The following DLG2 variants were observed in gnomAD, a reference collection of about 807,000 sequenced individuals.
DLG2 encodes the protein discs large MAGUK scaffold protein 2.
A neutral mutation model predicts 132.5 loss-of-function variants in DLG2; 45 were observed. The ratio of observed to expected loss-of-function variants is 0.34; its 90% CI spans 0.27 to 0.44. The LOEUF is 0.44. DLG2 is among the 20% of genes least tolerant of loss of function. The pLI is 1.00. For missense variants in DLG2, 1,045 were observed against 1,196.9 expected, an observed-to-expected ratio of 0.87 and a Z score of 1.87; for synonymous variants, 424 against 419.6, an observed-to-expected ratio of 1.01 and a Z score of -0.13.
chr11:85,315,739 G>A (rs1337245831), intron 3 of DLG2, among the ~76,000 whole-genome samples: 1 of 151,820 alleles, frequency 6.6e-6, no homozygotes, highest in South Asian at 2.1e-4. Flanking sequence ...GTCCTATTGG[G>A]GTGCTAATTC....
At chr11:84,155,573 G>A (rs1358049202) in intron 9 of DLG2, among the ~76,000 whole-genome samples, 1 of 151,654 alleles carries the variant, frequency 6.6e-6, no homozygotes, top group Non-Finnish European at 1.5e-5. Flanking sequence ...CCCAATGCCA[G>A]GTGCAGATTA....
intron 11 of DLG2, among the ~76,000 whole-genome samples, chr11:84,058,101 T>C (rs2096532889): frequency 6.6e-6 from 1 of 151,928 alleles, no homozygotes; most frequent in African/African-American, 2.4e-5. Context: ...AGTCCTGAGA[T>C]CTTAAATACC....
chr11:84,166,927 C>A (rs900072350), intron 8 of DLG2: 1 of 532,882 alleles, frequency 1.9e-6, no homozygotes, highest in African/African-American at 1.9e-5. Flanking sequence ...TTTTCTTGTA[C>A]AGTAACACTT....
intron 18 of DLG2, chr11:83,682,272 A>G (rs2078961873): frequency 2.0e-6 from 2 of 985,264 alleles, no homozygotes; most frequent in Non-Finnish European, 2.4e-6. Flanking sequence ...ACTTGCCTTT[A>G]TAACTAAGAC....
chr11:84,720,175 A>C, intron 6 of DLG2: 1 of 796,976 alleles, frequency 1.3e-6, no homozygotes, highest in Non-Finnish European at 1.5e-6. Flanking sequence ...TCCCAGAAAG[A>C]GCAGAGCAGT....
In DLG2 at chr11:84,669,685, G is replaced by C. The variant is rs576360130; in HGVS notation, c.358-134954C>G. On this transcript the variant is annotated intron_variant, in intron 6 of 27. Transcript: ENST00000376104. ...ACCACATTTCACAGCCTATCCTGTA[G>C]TCATTTAGGGTCACCTGACAATATT... is the stretch of plus-strand genomic sequence containing the variant. Among the ~76,000 whole-genome samples the C allele has an allele frequency of 2.6e-5, 4 of 152,244 alleles. No homozygotes were observed. The East Asian group carries it at 7.7e-4, about 29-fold the overall frequency.
rs575453016 is a variant in DLG2, at chr11:85,500,047, T to C, written c.40+98610A>G. Among the ~76,000 whole-genome samples the C allele has an allele frequency of 1.7e-4, 26 of 152,108 alleles. 1 individual carries two copies. Among genetic ancestry groups the C allele is most frequent in the Non-Finnish European group, 1.2e-4 (8 of 68,014 alleles). On this transcript the variant is annotated intron_variant, in intron 3 of 27. Transcript: ENST00000376104. ...TTTGAAAACTGGCACAAGACAAGGA[T>C]GCCCTCTCTCACCACTCCTATTCAA... is the stretch of plus-strand genomic sequence containing the variant.
intron 7 of DLG2, among the ~76,000 whole-genome samples, chr11:84,365,518 C>T (rs951968660): frequency 6.6e-6 from 1 of 151,916 alleles, no homozygotes; most frequent in African/African-American, 2.4e-5. Flanking sequence ...TCCTTCAGTT[C>T]TGCTCTGATT....
At chr11:84,442,546 G>C (rs2099020480) in intron 7 of DLG2, among the ~76,000 whole-genome samples, 1 of 152,006 alleles carries the variant, frequency 6.6e-6, no homozygotes, top group African/African-American at 2.4e-5. Context: ...GGGAGGCTAG[G>C]GGAGGGATAG....
intron 7 of DLG2, among the ~76,000 whole-genome samples, chr11:84,373,258 A>C (rs1446417329): frequency 1.0e-5 from 1 of 99,136 alleles, no homozygotes; most frequent in Non-Finnish European, 2.3e-5. Flanking sequence ...TCAAAAAAAA[A>C]AAAAAACAAA....
chr11:85,300,939 G>A (rs570482040), intron 3 of DLG2, among the ~76,000 whole-genome samples: 70 of 152,226 alleles, frequency 4.6e-4, no homozygotes, highest in South Asian at 2.1e-4. Flanking sequence ...GGTGACTCAC[G>A]CCTGTAATCC....
At chr11:84,875,132 A>G (rs1480226167) in intron 6 of DLG2, among the ~76,000 whole-genome samples, 1 of 152,044 alleles carries the variant, frequency 6.6e-6, no homozygotes, top group East Asian at 1.9e-4. Flanking sequence ...ATGTCAAATG[A>G]TGGGGCCAAT....
intron 18 of DLG2, among the ~76,000 whole-genome samples, chr11:83,687,997 C>CA (rs1322868616): frequency 6.7e-6 from 1 of 148,890 alleles, no homozygotes; most frequent in Non-Finnish European, 1.5e-5. Context: ...GGTGACAGAG[C>CA]AAGGCCCTGT....
At chr11:83,663,845 T>G (rs999084854) in intron 18 of DLG2, among the ~76,000 whole-genome samples, 7 of 152,188 alleles carry the variant, frequency 4.6e-5, no homozygotes, top group Non-Finnish European at 5.9e-5. Context: ...CCGAGGCAGA[T>G]AGAAATAAGA....
At chr11:84,768,676 C>A (rs2068786494) in intron 6 of DLG2, among the ~76,000 whole-genome samples, 1 of 151,998 alleles carries the variant, frequency 6.6e-6, no homozygotes, top group Non-Finnish European at 1.5e-5. Context: ...GTAGGCATAT[C>A]TATAAACCCT....
chr11:85,154,696 G>A, intron 4 of DLG2, 45 bp from the exon 5 acceptor site: 1 of 927,830 alleles, frequency 1.1e-6, no homozygotes, highest in Non-Finnish European at 1.7e-6. Flanking sequence ...TTTATTTTCT[G>A]CAATGTATAT....
chr11:83,839,516 T>C (rs1322834287), intron 16 of DLG2, among the ~76,000 whole-genome samples: 3 of 152,204 alleles, frequency 2.0e-5, no homozygotes, highest in African/African-American at 7.2e-5. Flanking sequence ...GATGCTTAGG[T>C]AAATCGGCTT....
intron 7 of DLG2, among the ~76,000 whole-genome samples, chr11:84,415,800 C>A (rs1567574956): frequency 6.6e-6 from 1 of 152,112 alleles, no homozygotes; most frequent in Non-Finnish European, 1.5e-5. Flanking sequence ...CATTTTGTTG[C>A]TCCAAAACTC....
At chr11:84,383,145 C>G (rs2098754785) in intron 7 of DLG2, among the ~76,000 whole-genome samples, 1 of 152,006 alleles carries the variant, frequency 6.6e-6, no homozygotes, top group South Asian at 2.1e-4. Context: ...CCCCGACTTA[C>G]CTTCTCAATA....
Sources: gnomAD v4.1 joint callset for allele counts (sites outside exome capture counted in the v4.1 genomes callset) on GRCh38, gnomAD v4.1.1 for gene constraint, MANE v1.5 for transcripts, NCBI Gene and HGNC (gene_info 2026-07-23, HGNC 2026-07-21) for gene names.